Variants in TRMT9B observed in about 807,000 individuals in gnomAD.
TRMT9B encodes tRNA methyltransferase 9B (putative), also known as probable tRNA methyltransferase 9B.
A neutral mutation model predicts 11.5 loss-of-function variants in TRMT9B; 16 were observed. The ratio of observed to expected loss-of-function variants is 1.39; its 90% CI spans 0.94 to 2.11. TRMT9B has a LOEUF of 2.11. TRMT9B is among the 30% of genes most tolerant of loss of function. The pLI, the probability that TRMT9B is intolerant of heterozygous loss-of-function variation, is 0.00. For missense variants in TRMT9B, 941 were observed against 553.8 expected, an observed-to-expected ratio of 1.70 and a Z score of -7.02; for synonymous variants, 274 against 192.4, an observed-to-expected ratio of 1.42 and a Z score of -3.51.
intron 2 of TRMT9B, among the ~76,000 whole-genome samples, chr8:12,999,298 C>CAA (rs71207111): frequency 2.3e-4 from 11 of 47,506 alleles, no homozygotes; most frequent in Non-Finnish European, 3.2e-4. Flanking sequence ...GACTCCATCT[C>CAA]AAAAAAAAAA....
intron 4 of TRMT9B, among the ~76,000 whole-genome samples, chr8:13,016,783 A>G (rs1316077430): frequency 6.6e-6 from 1 of 150,506 alleles, no homozygotes; most frequent in East Asian, 1.9e-4. Context: ...GACATGAGCA[A>G]TGTCTGGAGA....
intron 3 of TRMT9B, among the ~76,000 whole-genome samples, chr8:13,008,815 G>A (rs369716452): frequency 0.012 from 1,880 of 152,124 alleles, 43 homozygotes; most frequent in African/African-American, 0.044. Flanking sequence ...TGCAAGCTCC[G>A]CCTCCCGGGT....
chr8:13,019,622 G>A (rs186262481), intron 4 of TRMT9B, among the ~76,000 whole-genome samples: 8 of 152,292 alleles, frequency 5.3e-5, no homozygotes, highest in East Asian at 1.9e-4. Flanking sequence ...CTTAGTAACC[G>A]TGGATAAATG....
At chr8:13,012,252 A>G (rs939716715) in intron 3 of TRMT9B, 13 of 985,548 alleles carry the variant, frequency 1.3e-5, no homozygotes, top group African/African-American at 1.8e-5. Flanking sequence ...CCTTCACACC[A>G]TGTTGTATTC....
chr8:12,987,104 C>T (rs767976361), intron 1 of TRMT9B, among the ~76,000 whole-genome samples: 5 of 152,206 alleles, frequency 3.3e-5, no homozygotes, highest in African/African-American at 1.2e-4. Context: ...CCTTTCTCCT[C>T]GCCATCTGTA....
chr8:12,975,342 A>C (rs564653601), intron 1 of TRMT9B, among the ~76,000 whole-genome samples: 1 of 152,280 alleles, frequency 6.6e-6, no homozygotes, highest in African/African-American at 2.4e-5. Flanking sequence ...TGATCATGTA[A>C]TTGTTGAACA....
At chr8:13,013,546 C>T (rs145213376) in intron 4 of TRMT9B, among the ~76,000 whole-genome samples, 197 of 151,946 alleles carry the variant, frequency 1.3e-3, no homozygotes, top group African/African-American at 4.7e-3. Context: ...TTTAAATATG[C>T]AGGGAAACTT....
rs74788989 is a variant in TRMT9B at position 12,958,234 on chromosome 8, G to A, written c.-200+12268G>A. ...CATTATGCTTATCCATTCAGCTGCA[G>A]TTCGGATACATGGCTTGCCTCCACC... is the stretch of plus-strand genomic sequence containing the variant. On this transcript the variant is annotated intron_variant, in intron 1 of 4. Coordinates refer to ENST00000524591, the MANE Select transcript of TRMT9B (RefSeq NM_020844.3). 4.0e-3 allele frequency among the ~76,000 whole-genome samples: 603 copies of A among 152,278 alleles called. 6 individuals are homozygous for A. The highest frequency in any genetic ancestry group is 0.012 in the African/African-American group (514 of 41,540).
intron 2 of TRMT9B, among the ~76,000 whole-genome samples, chr8:12,997,899 C>T (rs1034538139): frequency 6.6e-6 from 1 of 152,128 alleles, no homozygotes; most frequent in African/African-American, 2.4e-5. Context: ...TCCATGTTTT[C>T]ACCAACACTA....
At chr8:12,963,979 C>T (rs1185458037) in intron 1 of TRMT9B, among the ~76,000 whole-genome samples, 1 of 152,132 alleles carries the variant, frequency 6.6e-6, no homozygotes, top group Non-Finnish European at 1.5e-5. Flanking sequence ...ATAAATGACA[C>T]CAATCGCATC....
chr8:12,976,060 G>A (rs139306792), intron 1 of TRMT9B, among the ~76,000 whole-genome samples: 6 of 152,328 alleles, frequency 3.9e-5, no homozygotes, highest in Admixed American at 3.3e-4. Context: ...GACATAGAAA[G>A]CCAGAGAACT....
intron 1 of TRMT9B, among the ~76,000 whole-genome samples, chr8:12,962,402 C>T (rs1368561377): frequency 1.3e-5 from 2 of 152,086 alleles, no homozygotes; most frequent in African/African-American, 2.4e-5. Flanking sequence ...AAATGTGGGC[C>T]TTTTAAAATG....
chr8:12,946,654 A>G lies in TRMT9B; in HGVS notation c.-200+688A>G, dbSNP rs776536430. ...AGAAACAGAATTTTGAGAAATCTAC[A>G]CAGCGTTTTTCCTTGCAGTTAGAAA... On this transcript the variant is annotated intron_variant, in intron 1 of 4. Transcript: ENST00000524591. 3.9e-4 allele frequency among the ~76,000 whole-genome samples: 59 copies of G among 152,208 alleles called. 1 individual carries two copies. The highest frequency in any genetic ancestry group is 4.3e-4 in the Non-Finnish European group (29 of 68,044).
At chr8:13,020,239 A>G (rs924924643) in intron 4 of TRMT9B, among the ~76,000 whole-genome samples, 20 of 152,194 alleles carry the variant, frequency 1.3e-4, no homozygotes, top group African/African-American at 4.1e-4. Flanking sequence ...TATGTAGGGA[A>G]AAATAATTTG....
rs370243564 is a variant in TRMT9B at position 12,950,151 on chromosome 8, G to C, written c.-200+4185G>C. On this transcript the variant is annotated intron_variant, in intron 1 of 4. Coordinates refer to ENST00000524591, the MANE Select transcript of TRMT9B (RefSeq NM_020844.3). ...TAACAGGCATGAGCCACCTCACCTAGTCCTTAGCCAATTTTTTATATCTAA... is the reference window on the plus strand; with the variant it reads ...TAACAGGCATGAGCCACCTCACCTACTCCTTAGCCAATTTTTTATATCTAA... Among the ~76,000 whole-genome samples, 7 of 152,212 alleles carry C rather than the reference G, an allele frequency of 4.6e-5. No homozygotes were observed. In the East Asian group the frequency reaches 1.2e-3, roughly 25 times the overall value.
At position 13,028,902 on chromosome 8, in the gene TRMT9B, GTTAT is replaced by G. The variant is rs1815040260; in HGVS notation, c.*6862_*6865del. On this transcript the variant is annotated 3_prime_UTR_variant, in exon 5 of 5. Transcript: ENST00000524591. ...TACTAAAGTTTGTTTTACTTCTCTG[GTTAT>G]TTACACAAAACGCTGGCAATACATT... 1 of 166,918 alleles carries G rather than the reference GTTAT, an allele frequency of 6.0e-6. No homozygotes were observed. Among genetic ancestry groups the G allele is most frequent in the South Asian group, 2.1e-4 (1 of 4,820 alleles). 10.3% of individuals were successfully genotyped at this position (166,918 alleles called of 1,614,324 possible).
In TRMT9B at chr8:13,010,841, A is replaced by G. The variant is rs559649383; in HGVS notation, c.155-1843A>G. ...TTAATTTTAAAATACTTTGTGAATT[A>G]TATTTTCCCCATGATTGCCTTCAAA... On this transcript the variant is annotated intron_variant, in intron 3 of 4. Transcript: ENST00000524591. 6.5e-5 allele frequency: 64 copies of G among 982,120 alleles called. 1 individual carries two copies. The South Asian group carries it at 7.1e-4, about 11-fold the overall frequency. The allele number at this position is 982,120 out of a possible 1,614,324, so 60.8% of individuals were successfully genotyped here.
chr8:13,012,758 G>C lies in TRMT9B; in HGVS notation c.229G>C (p.Val77Leu). The C allele has an allele frequency of 6.2e-7, 1 of 1,613,986 alleles. No individual in the cohort carries two copies. Among genetic ancestry groups the C allele is most frequent in the Non-Finnish European group, 8.5e-7 (1 of 1,179,890 alleles). The stretch of plus-strand genomic sequence containing the variant: ...GGGCTGTGACTACTGTGGGCCACTG[G>C]TAGAGATTGCCCGGAATAGAGGATG... ...TVGCDYCGPL[V>L]EIARNRGCEA... is the part of the protein sequence containing the mutation. Residue 77 changes from valine (V) to leucine (L), a missense_variant, in exon 4 of 5, where the codon GTA (valine) becomes CTA (leucine). By Grantham distance (32) the Val-to-Leu change is conservative. Transcript: ENST00000524591.
At chr8:12,960,196 A>G (rs1335960726) in intron 1 of TRMT9B, 1 of 152,238 alleles carries the variant, frequency 6.6e-6, no homozygotes, top group Non-Finnish European at 1.5e-5. Flanking sequence ...TCTCTGAGCC[A>G]GTTTTGGCAC....
Sources: allele counts gnomAD v4.1 joint callset (sites outside exome capture counted in the v4.1 genomes callset), GRCh38; gene constraint gnomAD v4.1.1; transcripts MANE v1.5; gene names NCBI Gene and HGNC (gene_info 2026-07-23, HGNC 2026-07-21).